The following CSMD1 variants were observed in gnomAD, a reference collection of about 807,000 sequenced individuals.
CSMD1 encodes CUB and sushi domain-containing protein 1.
In CSMD1, 213 loss-of-function variants were observed where a neutral mutation model predicts 417.5. The ratio of observed to expected loss-of-function variants is 0.51; its 90% CI spans 0.46 to 0.57. The LOEUF is 0.57. Ranked by LOEUF, CSMD1 falls within the 20% of genes least tolerant of loss-of-function variation. The pLI is 0.00. For synonymous variants in CSMD1, 2,862 were observed against 1,736.8 expected (o/e 1.65, Z -16.11); for missense variants, 6,923 against 4,529.7 (o/e 1.53, Z -15.17).
intron 10 of CSMD1, among the ~76,000 whole-genome samples, chr8:3,571,427 G>T (rs1044102532): frequency 7.2e-5 from 11 of 152,202 alleles, no homozygotes; most frequent in Non-Finnish European, 1.6e-4. Flanking sequence ...GAACTGGAAA[G>T]ATTTTGAGAA....
intron 3 of CSMD1, among the ~76,000 whole-genome samples, chr8:4,206,554 A>G (rs1054039715): frequency 3.7e-4 from 57 of 152,118 alleles, no homozygotes; most frequent in African/African-American, 1.3e-3. Flanking sequence ...CATGGTGTAT[A>G]TGTGCCACAT....
chr8:3,564,017 A>T (rs1799587587), intron 10 of CSMD1, among the ~76,000 whole-genome samples: 2 of 152,100 alleles, frequency 1.3e-5, no homozygotes, highest in South Asian at 4.1e-4. Flanking sequence ...AGCTACTTTT[A>T]TTTTGATTTG....
chr8:4,016,015 C>T (rs947540885), intron 4 of CSMD1, among the ~76,000 whole-genome samples: 1 of 152,158 alleles, frequency 6.6e-6, no homozygotes, highest in African/African-American at 2.4e-5. Context: ...CAGCCACTGT[C>T]TTTCAGCCTT....
intron 12 of CSMD1, among the ~76,000 whole-genome samples, chr8:3,461,591 G>A (rs147075448): frequency 6.6e-6 from 1 of 152,200 alleles, no homozygotes; most frequent in Admixed American, 6.5e-5. Context: ...TCCATCAGCA[G>A]GAAGAGGAAG....
intron 3 of CSMD1, among the ~76,000 whole-genome samples, chr8:4,101,712 C>G (rs1033468279): frequency 7.9e-5 from 12 of 152,166 alleles, no homozygotes; most frequent in African/African-American, 2.9e-4. Flanking sequence ...AATCAAACCA[C>G]ATTCCAGAGG....
rs563025931 is a variant in CSMD1 at position 4,463,695 on chromosome 8, G to C, written c.303-43630C>G. 1.2e-4 allele frequency among the ~76,000 whole-genome samples: 18 copies of C among 152,274 alleles called. 1 individual carries two copies. In the East Asian group the frequency reaches 2.9e-3, roughly 25 times the overall value. On this transcript the variant is annotated intron_variant, in intron 2 of 69. Coordinates refer to ENST00000635120, the MANE Select transcript of CSMD1 (RefSeq NM_033225.6). ...GCACTTACATTAAATGTCCAGAATA[G>C]GCCAATCCCTAGAGACGAAAATAAA...
At chr8:3,117,283 G>A (rs904496456) in intron 42 of CSMD1, among the ~76,000 whole-genome samples, 6 of 152,126 alleles carry the variant, frequency 3.9e-5, no homozygotes, top group African/African-American at 1.4e-4. Context: ...GTGTTAGCCA[G>A]GATGGTCTTG....
At chr8:4,447,981 T>G (rs186612025) in intron 2 of CSMD1, among the ~76,000 whole-genome samples, 1 of 152,174 alleles carries the variant, frequency 6.6e-6, no homozygotes, top group African/African-American at 2.4e-5. Flanking sequence ...AAAAAGCCTC[T>G]TGGAAATTTT....
chr8:4,419,038 T>C (rs1297250928), intron 3 of CSMD1, among the ~76,000 whole-genome samples: 1 of 152,190 alleles, frequency 6.6e-6, no homozygotes, highest in African/African-American at 2.4e-5. Context: ...ACGTGTATAT[T>C]TTAACTTCCC....
At chr8:3,903,809 T>C (rs1196361879) in intron 5 of CSMD1, among the ~76,000 whole-genome samples, 2 of 152,136 alleles carry the variant, frequency 1.3e-5, no homozygotes, top group African/African-American at 4.8e-5. Context: ...GTTCCATGGG[T>C]CATGTTTTCT....
chr8:2,977,163 C>T (rs1317860182), intron 55 of CSMD1, among the ~76,000 whole-genome samples: 1 of 151,952 alleles, frequency 6.6e-6, no homozygotes, highest in Non-Finnish European at 1.5e-5. Flanking sequence ...GTTTGTTACG[C>T]AGGGAAATGT....
At chr8:4,208,904 T>C (rs1371725421) in intron 3 of CSMD1, among the ~76,000 whole-genome samples, 1 of 152,188 alleles carries the variant, frequency 6.6e-6, no homozygotes, top group Non-Finnish European at 1.5e-5. Flanking sequence ...AAATTTCTTT[T>C]TATATATGCC....
intron 2 of CSMD1, among the ~76,000 whole-genome samples, chr8:4,541,958 G>C (rs1364808399): frequency 1.3e-5 from 2 of 152,124 alleles, no homozygotes; most frequent in East Asian, 3.9e-4. Flanking sequence ...ATTTCCAGAT[G>C]AGGCCTGACT....
rs543248261 is a variant in CSMD1 at position 3,920,456 on chromosome 8, T to G, written c.818+77447A>C. ...AAAATTTTACTTCTTACTTTCCAAT[T>G]TGAGTGCCTTTTATTCTTTTACTTT... On this transcript the variant is annotated intron_variant, in intron 5 of 69. Coordinates refer to ENST00000635120, the MANE Select transcript of CSMD1 (RefSeq NM_033225.6). 1.1e-4 allele frequency among the ~76,000 whole-genome samples: 16 copies of G among 152,184 alleles called. 1 individual carries two copies. Among genetic ancestry groups the G allele is most frequent in the South Asian group, 8.3e-4 (4 of 4,816 alleles).
chr8:3,875,311 G>T (rs1382144162), intron 5 of CSMD1, among the ~76,000 whole-genome samples: 1 of 152,180 alleles, frequency 6.6e-6, no homozygotes, highest in African/African-American at 2.4e-5. Flanking sequence ...TAAACTCAAA[G>T]AATTTGCTGT....
chr8:4,993,340 A>T (rs1490308766), intron 1 of CSMD1, among the ~76,000 whole-genome samples: 1 of 152,178 alleles, frequency 6.6e-6, no homozygotes, highest in Non-Finnish European at 1.5e-5. Context: ...AAAAATGAGG[A>T]CAGGGGCAGG....
chr8:4,568,170 G>C (rs1290447691), intron 2 of CSMD1, among the ~76,000 whole-genome samples: 2 of 152,034 alleles, frequency 1.3e-5, no homozygotes, highest in Non-Finnish European at 1.5e-5. Context: ...ATAAGTTATG[G>C]GATACATGTG....
chr8:4,310,351 T>C (rs1798492653), intron 3 of CSMD1, among the ~76,000 whole-genome samples: 1 of 152,176 alleles, frequency 6.6e-6, no homozygotes, highest in Admixed American at 6.5e-5. Flanking sequence ...ATGGGTATCT[T>C]GGTCAAAGGG....
At chr8:4,421,126 G>C (rs1352391313) in intron 2 of CSMD1, among the ~76,000 whole-genome samples, 2 of 149,206 alleles carry the variant, frequency 1.3e-5, no homozygotes, top group African/African-American at 2.5e-5. Flanking sequence ...AGGAGTAAAT[G>C]ACTGATGAAT....
Sources: gnomAD v4.1 joint callset for allele counts (sites outside exome capture counted in the v4.1 genomes callset) on GRCh38, gnomAD v4.1.1 for gene constraint, MANE v1.5 for transcripts, NCBI Gene and HGNC (gene_info 2026-07-23, HGNC 2026-07-21) for gene names.